The following GRM7 variants were observed in gnomAD, a reference collection of about 807,000 sequenced individuals.
GRM7 encodes the protein glutamate metabotropic receptor 7.
Under a neutral mutation model 84.5 loss-of-function variants are expected in GRM7, and 35 were observed. The observed-to-expected ratio is 0.41, with a 90% CI of 0.32 to 0.55. The LOEUF (loss-of-function observed/expected upper bound fraction) is 0.55, where lower values mean the gene tolerates loss of function less well. Among genes scored for constraint, GRM7 ranks in the 20% least tolerant of loss-of-function variants. The pLI, the probability that GRM7 is intolerant of heterozygous loss-of-function variation, is 0.19. For synonymous variants in GRM7, 487 were observed against 455.1 expected (o/e 1.07, Z -0.89); for missense variants, 1,003 against 1,194.6 (o/e 0.84, Z 2.36).
At chr3:7,009,608 C>T (rs572837501) in intron 1 of GRM7, among the ~76,000 whole-genome samples, 2 of 152,218 alleles carry the variant, frequency 1.3e-5, no homozygotes, top group African/African-American at 4.8e-5. Context: ...TTCAGATCAA[C>T]AAACATAATG....
chr3:7,110,517 C>A (rs965399726), intron 1 of GRM7, among the ~76,000 whole-genome samples: 4 of 151,744 alleles, frequency 2.6e-5, no homozygotes, highest in Non-Finnish European at 4.4e-5. Context: ...ATCGCTTGAA[C>A]CTGGGAGGTG....
chr3:6,943,530 C>G (rs967984956), intron 1 of GRM7, among the ~76,000 whole-genome samples: 1 of 151,966 alleles, frequency 6.6e-6, no homozygotes, highest in Non-Finnish European at 1.5e-5. Flanking sequence ...TTTATAGATT[C>G]TATTCTGCTT....
chr3:7,295,967 G>A (rs1303675446), intron 2 of GRM7, among the ~76,000 whole-genome samples: 1 of 152,048 alleles, frequency 6.6e-6, no homozygotes, highest in African/African-American at 2.4e-5. Flanking sequence ...GGGCAACCTT[G>A]CCTTGTGGTC....
intron 9 of GRM7, among the ~76,000 whole-genome samples, chr3:7,706,435 T>G: frequency 6.6e-6 from 1 of 152,164 alleles, no homozygotes; most frequent in Non-Finnish European, 1.5e-5. Context: ...CATCCCCAAC[T>G]GCAAGTTTGG....
At chr3:7,116,883 A>G (rs1693053119) in intron 1 of GRM7, among the ~76,000 whole-genome samples, 4 of 152,164 alleles carry the variant, frequency 2.6e-5, no homozygotes, top group South Asian at 4.1e-4. Context: ...TTCAATTGCT[A>G]TAGATTGAGG....
intron 4 of GRM7, among the ~76,000 whole-genome samples, chr3:7,360,793 C>T (rs577457780): frequency 1.1e-3 from 174 of 152,208 alleles, no homozygotes; most frequent in Middle Eastern, 3.4e-3. Flanking sequence ...AATGTTCAAG[C>T]GTAGCATACT....
chr3:7,523,669 A>G (rs1369558653), intron 7 of GRM7, among the ~76,000 whole-genome samples: 1 of 152,190 alleles, frequency 6.6e-6, no homozygotes. Flanking sequence ...AGCCATTAAT[A>G]AAGGGGAGGA....
At chr3:7,011,040 T>C (rs1315701334) in intron 1 of GRM7, among the ~76,000 whole-genome samples, 1 of 152,202 alleles carries the variant, frequency 6.6e-6, no homozygotes, top group Non-Finnish European at 1.5e-5. Context: ...GTCAGAATAC[T>C]TAGGTTTATA....
chr3:7,066,893 G>A (rs536003274), intron 1 of GRM7, among the ~76,000 whole-genome samples: 6 of 151,806 alleles, frequency 4.0e-5, no homozygotes, highest in East Asian at 3.9e-4. Context: ...AATATGACAC[G>A]CCACATAAAC....
At chr3:7,662,659 C>T (rs67308617) in intron 8 of GRM7, among the ~76,000 whole-genome samples, 60,891 of 151,706 alleles carry the variant, frequency 0.4, 14,122 homozygotes, top group Non-Finnish European at 0.53. Flanking sequence ...AAATAAAGTG[C>T]GAAGTATTAT....
At chr3:7,178,636 C>G (rs1695234276) in intron 2 of GRM7, among the ~76,000 whole-genome samples, 1 of 152,156 alleles carries the variant, frequency 6.6e-6, no homozygotes, top group Non-Finnish European at 1.5e-5. Flanking sequence ...ATCTTGAAAA[C>G]TGTAGGAAAG....
intron 4 of GRM7, among the ~76,000 whole-genome samples, chr3:7,366,815 A>G (rs1227215423): frequency 1.3e-5 from 2 of 151,888 alleles, no homozygotes; most frequent in Non-Finnish European, 2.9e-5. Flanking sequence ...TTTTTCTTAT[A>G]AAAGTAATAT....
chr3:7,060,407 C>T (rs1195756884), intron 1 of GRM7, among the ~76,000 whole-genome samples: 1 of 151,724 alleles, frequency 6.6e-6, no homozygotes, highest in African/African-American at 2.4e-5. Context: ...AAATGTTACA[C>T]CATTGTAGGA....
chr3:7,485,694 G>A (rs959025383), intron 7 of GRM7, among the ~76,000 whole-genome samples: 3 of 152,210 alleles, frequency 2.0e-5, no homozygotes, highest in African/African-American at 7.2e-5. Context: ...TGTTGTGGCA[G>A]TAGCCCTTGT....
intron 4 of GRM7, among the ~76,000 whole-genome samples, chr3:7,361,135 T>G (rs1693643775): frequency 1.3e-5 from 2 of 152,262 alleles, no homozygotes; most frequent in African/African-American, 4.8e-5. Flanking sequence ...TCTTTTCTTA[T>G]TCGTTGATTT....
At chr3:7,339,280 AC>A (rs1701544824) in intron 4 of GRM7, among the ~76,000 whole-genome samples, 1 of 152,022 alleles carries the variant, frequency 6.6e-6, no homozygotes, top group South Asian at 2.1e-4. Context: ...AAAAACAAAA[AC>A]CAAGACAGTA....
intron 1 of GRM7, among the ~76,000 whole-genome samples, chr3:6,924,773 A>G (rs1389990776): frequency 6.6e-6 from 1 of 152,208 alleles, no homozygotes; most frequent in Non-Finnish European, 1.5e-5. Flanking sequence ...CATTAAAAGC[A>G]TATCTCCAAC....
intron 8 of GRM7, among the ~76,000 whole-genome samples, chr3:7,620,764 C>A (rs967145536): frequency 1.3e-5 from 2 of 152,060 alleles, no homozygotes; most frequent in African/African-American, 4.8e-5. Context: ...TATAAACTAC[C>A]ATTAGCAACT....
intron 7 of GRM7, among the ~76,000 whole-genome samples, chr3:7,493,687 A>G (rs1197316396): frequency 3.9e-5 from 6 of 151,960 alleles, no homozygotes; most frequent in Non-Finnish European, 8.8e-5. Context: ...GGTAATTAAT[A>G]TATTAGTGCT....
Sources: allele counts gnomAD v4.1 joint callset (sites outside exome capture counted in the v4.1 genomes callset), GRCh38; gene constraint gnomAD v4.1.1; transcripts MANE v1.5; gene names NCBI Gene and HGNC (gene_info 2026-07-23, HGNC 2026-07-21).